The following ZCWPW2 variants were observed in gnomAD, a reference collection of about 807,000 sequenced individuals.
The protein encoded by ZCWPW2 is zinc finger CW-type PWWP domain protein 2.
A neutral mutation model predicts 46.6 loss-of-function variants in ZCWPW2; 45 were observed. The ratio of observed to expected loss-of-function variants is 0.96; its 90% CI spans 0.76 to 1.24. The LOEUF is 1.24. Ranked by LOEUF, ZCWPW2 falls within the 50% of genes most tolerant of loss-of-function variation. The pLI is 0.00. For missense variants in ZCWPW2, 429 were observed against 403.9 expected, an observed-to-expected ratio of 1.06 and a Z score of -0.53; for synonymous variants, 152 against 137.1, an observed-to-expected ratio of 1.11 and a Z score of -0.76.
At chr3:28,524,248 A>C (rs1700797508) in intron 9 of ZCWPW2, among the ~76,000 whole-genome samples, 2 of 152,058 alleles carry the variant, frequency 1.3e-5, no homozygotes, top group Admixed American at 1.3e-4. Context: ...ACAACATAGA[A>C]AACTCACATA....
chr3:28,487,827 AC>A (rs1699655969), intron 5 of ZCWPW2, among the ~76,000 whole-genome samples: 1 of 151,964 alleles, frequency 6.6e-6, no homozygotes, highest in South Asian at 2.1e-4. Flanking sequence ...CTTTCCTCCA[AC>A]CCCCCTTTTT....
Position 28,461,009 on chromosome 3 carries a change from A to G in ZCWPW2, c.493-17805A>G, listed in dbSNP as rs533075142. The G allele has an allele frequency of 1.2e-4, 33 of 266,316 alleles. 3 individuals are homozygous for G. Among genetic ancestry groups the G allele is most frequent in the South Asian group, 1.1e-3 (30 of 28,448 alleles). The allele number at this position is 266,316 out of a possible 1,614,324, so 16.5% of individuals were successfully genotyped here. On this transcript the variant is annotated intron_variant, in intron 4 of 9. Coordinates refer to ENST00000383768, the MANE Select transcript of ZCWPW2 (RefSeq NM_001040432.4). The stretch of plus-strand genomic sequence containing the variant: ...CTTATATCCACATGTTGCTACAGAC[A>G]TATAAGAAATAATTTAAAGTAATGA...
At chr3:28,430,483 T>A (rs1162625264) in intron 3 of ZCWPW2, among the ~76,000 whole-genome samples, 5 of 152,206 alleles carry the variant, frequency 3.3e-5, no homozygotes, top group Non-Finnish European at 5.9e-5. Context: ...TTGTCTCAGA[T>A]GAGACTTTGG....
At chr3:28,499,616 G>A (rs562201349) in intron 6 of ZCWPW2, among the ~76,000 whole-genome samples, 1 of 152,194 alleles carries the variant, frequency 6.6e-6, no homozygotes, top group South Asian at 2.1e-4. Context: ...TCACTCTAAT[G>A]ATAGTTTCTT....
intron 4 of ZCWPW2, among the ~76,000 whole-genome samples, chr3:28,446,334 A>T (rs993756667): frequency 2.0e-5 from 3 of 152,134 alleles, no homozygotes; most frequent in East Asian, 3.8e-4. Context: ...ATTATCTCGG[A>T]CCACAATGAA....
chr3:28,493,320 C>G (rs1264919651), intron 6 of ZCWPW2, among the ~76,000 whole-genome samples: 2 of 78,068 alleles, frequency 2.6e-5, no homozygotes, highest in Non-Finnish European at 4.8e-5. Context: ...CCACCACAGT[C>G]CCCAGAGTGT....
In ZCWPW2 at chr3:28,467,282, T is replaced by G. The variant is rs189561262; in HGVS notation, c.493-11532T>G. Among the ~76,000 whole-genome samples the G allele has an allele frequency of 1.6e-3, 236 of 149,658 alleles. 4 individuals carry two copies. The highest frequency in any genetic ancestry group is 5.0e-3 in the East Asian group (26 of 5,166). Reference sequence around the variant, plus strand: ...AAAAGAAAACACAAAAGTACTAAAATACAAACTACAAACAGAGGAGAATAT... The same window carrying G: ...AAAAGAAAACACAAAAGTACTAAAAGACAAACTACAAACAGAGGAGAATAT... On this transcript the variant is annotated intron_variant, in intron 4 of 9. Coordinates refer to ENST00000383768, the MANE Select transcript of ZCWPW2 (RefSeq NM_001040432.4).
chr3:28,449,960 C>G (rs975802956), intron 4 of ZCWPW2, among the ~76,000 whole-genome samples: 17 of 152,108 alleles, frequency 1.1e-4, no homozygotes, highest in African/African-American at 3.6e-4. Context: ...GTTTGCTCTT[C>G]ATGCAAGTCT....
intron 4 of ZCWPW2, among the ~76,000 whole-genome samples, chr3:28,456,799 C>T (rs1375799854): frequency 1.3e-5 from 2 of 152,132 alleles, no homozygotes; most frequent in Non-Finnish European, 2.9e-5. Context: ...GTTGAACCAA[C>T]GTTGCATCCT....
intron 2 of ZCWPW2, among the ~76,000 whole-genome samples, chr3:28,393,189 A>T (rs953971015): frequency 2.6e-5 from 4 of 152,150 alleles, no homozygotes; most frequent in African/African-American, 9.6e-5. Context: ...AACAAATTGG[A>T]TAAGCTGGAA....
chr3:28,356,748 G>A (rs372837803), intron 1 of ZCWPW2, among the ~76,000 whole-genome samples: 111 of 152,188 alleles, frequency 7.3e-4, no homozygotes, highest in African/African-American at 2.3e-3. Context: ...GCAAACTCTC[G>A]CAAGGACAGT....
chr3:28,413,386 A>G lies in ZCWPW2; in HGVS notation c.318A>G (p.Leu106=). The change falls in exon 3 of 10, where the codon TTA becomes TTG. Residue 106 remains leucine (L), a synonymous_variant. Coordinates refer to ENST00000383768, the MANE Select transcript of ZCWPW2 (RefSeq NM_001040432.4). ...LPLGSLVLVK[L]QNWPSWPGIL... The stretch of plus-strand genomic sequence containing the variant: ...TTGGAAGCCTGGTTTTGGTAAAATT[A>G]CAGAATTGGCCAAGGTAAGGTTTGT... 6.2e-7 allele frequency: 1 copy of G among 1,608,056 alleles called. No homozygotes were observed. Among genetic ancestry groups the G allele is most frequent in the South Asian group, 1.1e-5 (1 of 90,786 alleles).
At position 28,380,271 on chromosome 3, in the gene ZCWPW2, A is replaced by G. The variant is rs927624014; in HGVS notation, c.-133-10227A>G. ...AGTGCTGGGATTACAGGCATGAGCCACCACGCCCGGCCAGTTTATTTTTTT... is the reference window on the plus strand; with the variant it reads ...AGTGCTGGGATTACAGGCATGAGCCGCCACGCCCGGCCAGTTTATTTTTTT... On this transcript the variant is annotated intron_variant, in intron 1 of 9. Transcript: ENST00000383768. 2.0e-5 allele frequency among the ~76,000 whole-genome samples: 3 copies of G among 151,904 alleles called. 1 individual carries two copies. Among genetic ancestry groups the G allele is most frequent in the Admixed American group, 2.0e-4 (3 of 15,248 alleles).
chr3:28,368,988 G>A lies in ZCWPW2; in HGVS notation c.-134+19785G>A, dbSNP rs534710711. On this transcript the variant is annotated intron_variant, in intron 1 of 9. Transcript: ENST00000383768. ...CTTGTGCATTCATCACGTAGTTCTCGTGCCATGGTTTTCAGCTCCATCAGG... is the reference window on the plus strand; with the variant it reads ...CTTGTGCATTCATCACGTAGTTCTCATGCCATGGTTTTCAGCTCCATCAGG... Among the ~76,000 whole-genome samples the A allele has an allele frequency of 6.8e-3, 1,037 of 152,038 alleles. 19 individuals carry two copies. Among genetic ancestry groups the A allele is most frequent in the African/African-American group, 0.024 (1,001 of 41,454 alleles).
chr3:28,369,718 C>T (rs1381525933), intron 1 of ZCWPW2, among the ~76,000 whole-genome samples: 2 of 152,216 alleles, frequency 1.3e-5, no homozygotes, highest in Non-Finnish European at 2.9e-5. Context: ...GCAGAGGATT[C>T]TGCTGCCTTT....
intron 2 of ZCWPW2, among the ~76,000 whole-genome samples, chr3:28,407,430 A>T (rs906614011): frequency 6.6e-6 from 1 of 152,150 alleles, no homozygotes; most frequent in African/African-American, 2.4e-5. Flanking sequence ...TACTTGTTTG[A>T]ATTGATGTTT....
chr3:28,384,808 G>T (rs1695216081), intron 1 of ZCWPW2, among the ~76,000 whole-genome samples: 1 of 151,956 alleles, frequency 6.6e-6, no homozygotes, highest in Non-Finnish European at 1.5e-5. Flanking sequence ...TAGAGACGGG[G>T]TTTTACCATG....
intron 1 of ZCWPW2, among the ~76,000 whole-genome samples, chr3:28,360,322 G>A (rs1440871596): frequency 7.0e-6 from 1 of 143,244 alleles, no homozygotes; most frequent in African/African-American, 2.6e-5. Flanking sequence ...TGGCTAACTC[G>A]GTGAAACCCC....
chr3:28,443,973 C>A (rs190848112), intron 4 of ZCWPW2, among the ~76,000 whole-genome samples: 1 of 152,138 alleles, frequency 6.6e-6, no homozygotes, highest in African/African-American at 2.4e-5. Flanking sequence ...ACTTCCAGCT[C>A]ACTCACAATG....
Sources: allele counts gnomAD v4.1 joint callset (sites outside exome capture counted in the v4.1 genomes callset), GRCh38; gene constraint gnomAD v4.1.1; transcripts MANE v1.5; gene names NCBI Gene and HGNC (gene_info 2026-07-23, HGNC 2026-07-21).